Variants in ROR1 observed in about 807,000 individuals in gnomAD.
ROR1 encodes the protein ROR family WNT receptor 1, also known as inactive tyrosine-protein kinase transmembrane receptor ROR1.
A neutral mutation model predicts 78.8 loss-of-function variants in ROR1; 19 were observed. That is an observed-to-expected ratio of 0.24 (90% CI 0.17 to 0.35). The LOEUF is 0.35. Among genes scored for constraint, ROR1 ranks in the 10% least tolerant of loss-of-function variants. The pLI is 1.00. For missense variants in ROR1, 917 were observed against 1,177.8 expected (o/e 0.78, Z 3.24); for synonymous variants, 386 against 433.6 (o/e 0.89, Z 1.36).
chr1:63,802,731 T>C (rs1644804313), intron 1 of ROR1, among the ~76,000 whole-genome samples: 1 of 152,208 alleles, frequency 6.6e-6, no homozygotes, highest in Non-Finnish European at 1.5e-5. Context: ...GGCATATCAG[T>C]AATAGTAACA....
Position 63,774,394 on chromosome 1 carries a change from G to A in ROR1, c.-24G>A, listed in dbSNP as rs552545525. The A allele has an allele frequency of 3.8e-3, 4,810 of 1,255,210 alleles. 158 individuals carry two copies. The African/African-American group carries it at 0.068, about 18-fold the overall frequency. The allele number at this position is 1,255,210 out of a possible 1,614,324, so 77.8% of individuals were successfully genotyped here. On this transcript the variant is annotated 5_prime_UTR_variant, in exon 1 of 9. Coordinates refer to ENST00000371079, the MANE Select transcript of ROR1 (RefSeq NM_005012.4). This position sits in a 1 kb window ranked among gnomAD's most constrained non-coding sequence, Gnocchi z 5.7. ...TGCGCGCGGCCTGGGAGCCGCCGCC[G>A]CCGCCGCCTCAGCGAGAGGAGGAAT...
chr1:63,868,153 G>GT (rs1253695127), intron 1 of ROR1, among the ~76,000 whole-genome samples: 31 of 151,990 alleles, frequency 2.0e-4, no homozygotes, highest in African/African-American at 6.3e-4. Flanking sequence ...TTGTTGTTTT[G>GT]TTTTTTTGTT....
At chr1:64,137,278 A>G in intron 4 of ROR1, 91 bp from the exon 5 acceptor site, 2 of 1,395,718 alleles carry the variant, frequency 1.4e-6, no homozygotes, top group South Asian at 1.3e-5. Context: ...TGTGCCCCCT[A>G]GTGACTATTT....
At chr1:64,097,587 A>ATATG (rs1647349093) in intron 4 of ROR1, among the ~76,000 whole-genome samples, 1 of 151,436 alleles carries the variant, frequency 6.6e-6, no homozygotes, top group African/African-American at 2.4e-5. Flanking sequence ...ATATATATAT[A>ATATG]TAAGGCCTTG....
intron 1 of ROR1, among the ~76,000 whole-genome samples, chr1:63,996,350 G>A (rs979570827): frequency 2.0e-5 from 3 of 152,072 alleles, no homozygotes; most frequent in South Asian, 2.1e-4. Context: ...TGTTTTCCTC[G>A]ATTTAACTTT....
At chr1:63,821,752 G>A (rs1234162047) in intron 1 of ROR1, among the ~76,000 whole-genome samples, 3 of 152,220 alleles carry the variant, frequency 2.0e-5, no homozygotes, top group Non-Finnish European at 4.4e-5. Context: ...ATACTGAACA[G>A]GCAGCTTCAG....
chr1:64,121,136 C>G (rs1181892361), intron 4 of ROR1, among the ~76,000 whole-genome samples: 1 of 132,140 alleles, frequency 7.6e-6, no homozygotes, highest in Non-Finnish European at 1.5e-5. Flanking sequence ...CTTTCCCTTC[C>G]CTTCCTTCCT....
intron 1 of ROR1, among the ~76,000 whole-genome samples, chr1:63,940,343 GT>G: frequency 6.6e-6 from 1 of 152,266 alleles, no homozygotes. Flanking sequence ...CAGCTTGAAG[GT>G]CTTCTGCTGG....
At chr1:63,823,359 T>C (rs1423080122) in intron 1 of ROR1, among the ~76,000 whole-genome samples, 1 of 151,962 alleles carries the variant, frequency 6.6e-6, no homozygotes, top group Non-Finnish European at 1.5e-5. Context: ...ATTCAATGAG[T>C]ATGGAGGACC....
chr1:64,035,274 A>G (rs536003459), intron 2 of ROR1, among the ~76,000 whole-genome samples: 2 of 152,366 alleles, frequency 1.3e-5, no homozygotes, highest in South Asian at 4.1e-4. Flanking sequence ...CAGAGTTTCT[A>G]AAGTGGCTTT....
intron 1 of ROR1, among the ~76,000 whole-genome samples, chr1:63,842,681 T>C (rs1261265880): frequency 1.3e-5 from 2 of 151,792 alleles, no homozygotes; most frequent in Non-Finnish European, 2.9e-5. Context: ...CTTTGCTCCT[T>C]CTTTTTTTTT....
chr1:63,959,251 A>T (rs931979297), intron 1 of ROR1, among the ~76,000 whole-genome samples: 2 of 152,212 alleles, frequency 1.3e-5, no homozygotes, highest in Non-Finnish European at 2.9e-5. Context: ...GCAGGAGGGT[A>T]ACCACCCCCA....
chr1:63,860,642 G>A (rs951054370), intron 1 of ROR1, among the ~76,000 whole-genome samples: 9 of 150,936 alleles, frequency 6.0e-5, no homozygotes, highest in South Asian at 2.1e-4. Flanking sequence ...GGTGGCACGA[G>A]CCTGTAATCC....
intron 1 of ROR1, among the ~76,000 whole-genome samples, chr1:63,992,991 T>A (rs1215141915): frequency 6.6e-6 from 1 of 152,204 alleles, no homozygotes; most frequent in Non-Finnish European, 1.5e-5. Flanking sequence ...CAGCAAATAT[T>A]AGATACCTAA....
intron 1 of ROR1, among the ~76,000 whole-genome samples, chr1:63,942,466 TACTTAAGTGCCTCC>T (rs944974523): frequency 2.6e-5 from 4 of 152,196 alleles, no homozygotes; most frequent in African/African-American, 4.8e-5. Flanking sequence ...TGACTTATTT[TACTTAAGTGCCTCC>T]ACTTAGATTT....
At chr1:64,036,293 G>A (rs916539961) in intron 2 of ROR1, among the ~76,000 whole-genome samples, 9 of 152,144 alleles carry the variant, frequency 5.9e-5, no homozygotes, top group Non-Finnish European at 4.4e-5. Context: ...AACTGAGCAA[G>A]ATTCTGCTAC....
At chr1:63,809,939 A>C (rs946513497) in intron 1 of ROR1, among the ~76,000 whole-genome samples, 1 of 152,224 alleles carries the variant, frequency 6.6e-6, no homozygotes, top group Non-Finnish European at 1.5e-5. Context: ...TCATTTTACC[A>C]GAGAAATTTC....
At chr1:63,969,135 T>C (rs766423738) in intron 1 of ROR1, among the ~76,000 whole-genome samples, 1 of 152,132 alleles carries the variant, frequency 6.6e-6, no homozygotes, top group Non-Finnish European at 1.5e-5. Context: ...GTTTACTCAT[T>C]CACTCACAAA....
At chr1:64,169,775 T>C (rs12066709) in intron 8 of ROR1, among the ~76,000 whole-genome samples, 11,110 of 152,126 alleles carry the variant, frequency 0.073, 1,414 homozygotes, top group African/African-American at 0.26. Context: ...CCAGATACAG[T>C]GGGGGTACAG....
Sources: allele counts gnomAD v4.1 joint callset (sites outside exome capture counted in the v4.1 genomes callset), GRCh38; gene constraint gnomAD v4.1.1; non-coding constraint Gnocchi (gnomAD v3.1); transcripts MANE v1.5; gene names NCBI Gene and HGNC (gene_info 2026-07-23, HGNC 2026-07-21).